Variants in SEMA3D observed in about 807,000 individuals in gnomAD.
SEMA3D encodes the protein semaphorin-3D.
A neutral mutation model predicts 100.1 loss-of-function variants in SEMA3D; 84 were observed. The observed-to-expected ratio is 0.84, with a 90% confidence interval of 0.70 to 1.01. SEMA3D has a LOEUF of 1.01. Ranked by LOEUF, SEMA3D falls within the 50% of genes least tolerant of loss-of-function variation. The pLI, the probability that SEMA3D is intolerant of heterozygous loss-of-function variation, is 0.00. For synonymous variants in SEMA3D, 312 were observed against 320.7 expected (o/e 0.97, Z 0.29); for missense variants, 875 against 934.1 (o/e 0.94, Z 0.82).
rs1789516326 is a variant in SEMA3D at position 84,996,895 on chromosome 7, T to C, written c.*2545A>G. 1 of 151,992 alleles carries C rather than the reference T, an allele frequency of 6.6e-6. No homozygotes were observed. The highest frequency in any genetic ancestry group is 6.6e-5 in the Admixed American group (1 of 15,260). The allele number at this position is 151,992 out of a possible 1,614,324, so 9.4% of individuals were successfully genotyped here. A position where few individuals can be genotyped will look rare whatever the true frequency, so the allele number is the denominator to read the frequency against. ...ATAGTGTGTTTGTGGATTTAATATATTCATACTCTTTCTCTAAATGTTCTA... is the reference window on the plus strand; with the variant it reads ...ATAGTGTGTTTGTGGATTTAATATACTCATACTCTTTCTCTAAATGTTCTA... On this transcript the variant is annotated 3_prime_UTR_variant, in exon 19 of 19. Coordinates refer to ENST00000284136, the MANE Select transcript of SEMA3D (RefSeq NM_001384900.1).
At chr7:85,124,427 T>C (rs937598882) in intron 2 of SEMA3D, among the ~76,000 whole-genome samples, 1 of 152,054 alleles carries the variant, frequency 6.6e-6, no homozygotes, top group African/African-American at 2.4e-5. Flanking sequence ...TATATTCTTA[T>C]CAGCCATTGG....
chr7:85,195,243 G>T, the SEMA3D span, among the ~76,000 whole-genome samples: 1 of 151,966 alleles, frequency 6.6e-6, no homozygotes, highest in African/African-American at 2.4e-5. Context: ...AGGTTCCTTT[G>T]GTTAAATGAT....
rs541565173 is a variant in SEMA3D at position 85,105,174 on chromosome 7, A to G, written c.152-7209T>C. Among the ~76,000 whole-genome samples the G allele has an allele frequency of 2.3e-3, 349 of 152,078 alleles. 1 individual carries two copies. Among genetic ancestry groups the G allele is most frequent in the Admixed American group, 5.9e-3 (90 of 15,256 alleles). On this transcript the variant is annotated intron_variant, in intron 3 of 18. Coordinates refer to ENST00000284136, the MANE Select transcript of SEMA3D (RefSeq NM_001384900.1). Reference sequence around the variant, plus strand: ...CTTTAAGCCTTTCAGCATCCTTTCTATTTCTGCCTTCCCCCTAAATTCAGC... The same window carrying G: ...CTTTAAGCCTTTCAGCATCCTTTCTGTTTCTGCCTTCCCCCTAAATTCAGC...
At chr7:85,131,585 C>T (rs764612609) in intron 2 of SEMA3D, among the ~76,000 whole-genome samples, 9 of 151,976 alleles carry the variant, frequency 5.9e-5, no homozygotes, top group Non-Finnish European at 1.2e-4. Flanking sequence ...AAGAAGTGTG[C>T]TTCCTTTAAT....
At chr7:85,040,069 C>A (rs1193961347) in intron 11 of SEMA3D, among the ~76,000 whole-genome samples, 1 of 149,704 alleles carries the variant, frequency 6.7e-6, no homozygotes, top group South Asian at 2.1e-4. Context: ...CTCTACCTTC[C>A]AGGCTTAAAC....
intron 4 of SEMA3D, among the ~76,000 whole-genome samples, chr7:85,089,180 T>A (rs1223746752): frequency 6.6e-6 from 1 of 152,114 alleles, no homozygotes; most frequent in South Asian, 2.1e-4. Context: ...AAGTTAATAC[T>A]CATTTGAAAG....
intron 8 of SEMA3D, among the ~76,000 whole-genome samples, chr7:85,064,735 G>A (rs936876764): frequency 1.3e-5 from 2 of 152,126 alleles, no homozygotes; most frequent in African/African-American, 4.8e-5. Context: ...TAAGGCGGTG[G>A]TGGGGAGTGG....
intron 2 of SEMA3D, among the ~76,000 whole-genome samples, chr7:85,148,997 CA>C (rs1387166763): frequency 6.6e-6 from 1 of 151,536 alleles, no homozygotes; most frequent in Non-Finnish European, 1.5e-5. Flanking sequence ...CTAACATTTA[CA>C]ATAAAATAAA....
chr7:85,145,145 A>G (rs927411125), intron 2 of SEMA3D, among the ~76,000 whole-genome samples: 1 of 152,182 alleles, frequency 6.6e-6, no homozygotes, highest in African/African-American at 2.4e-5. Flanking sequence ...CAAGTATGGG[A>G]ATCATGTTGA....
At chr7:85,025,348 A>G (rs1790363873) in intron 12 of SEMA3D, among the ~76,000 whole-genome samples, 1 of 151,976 alleles carries the variant, frequency 6.6e-6, no homozygotes, top group African/African-American at 2.4e-5. Context: ...ACACACCCTG[A>G]GATGAAAGTG....
At chr7:85,181,615 C>T (rs921671159) in intron 1 of SEMA3D, 3 of 160,692 alleles carry the variant, frequency 1.9e-5, no homozygotes, top group African/African-American at 7.2e-5. Context: ...ATTCTGCCCA[C>T]AAGGAAGAGA....
At chr7:85,144,709 T>C in intron 2 of SEMA3D, 1 of 984,024 alleles carries the variant, frequency 1.0e-6, no homozygotes, top group East Asian at 1.1e-4. Context: ...TTCTTATTTG[T>C]TCTCTTCCCC....
intron 5 of SEMA3D, among the ~76,000 whole-genome samples, chr7:85,081,163 T>C (rs1788047707): frequency 6.6e-6 from 1 of 152,190 alleles, no homozygotes; most frequent in Non-Finnish European, 1.5e-5. Flanking sequence ...TGTGTACACT[T>C]ACAAAAACAT....
chr7:85,225,379 T>A, the SEMA3D span, among the ~76,000 whole-genome samples: 2 of 151,028 alleles, frequency 1.3e-5, no homozygotes, highest in African/African-American at 2.4e-5. Context: ...TTAGGTGATA[T>A]GGGGCACAGT....
At chr7:85,017,965 T>A (rs1004004757) in intron 15 of SEMA3D, among the ~76,000 whole-genome samples, 4 of 151,766 alleles carry the variant, frequency 2.6e-5, no homozygotes. Flanking sequence ...TACATGAATG[T>A]CTAATGGGCT....
chr7:85,205,416 A>C, the SEMA3D span, among the ~76,000 whole-genome samples: 1 of 152,226 alleles, frequency 6.6e-6, no homozygotes, highest in Non-Finnish European at 1.5e-5. Flanking sequence ...TCATTCTACC[A>C]CATAACACTT....
chr7:85,147,667 A>G (rs1435824844), intron 2 of SEMA3D, among the ~76,000 whole-genome samples: 3 of 152,156 alleles, frequency 2.0e-5, no homozygotes, highest in Non-Finnish European at 4.4e-5. Flanking sequence ...AATTTTTTCA[A>G]GTACCTTATT....
chr7:85,181,719 A>G (rs544748450), intron 1 of SEMA3D: 337 of 907,080 alleles, frequency 3.7e-4, no homozygotes, highest in African/African-American at 1.9e-3. Flanking sequence ...AAAGAAGGTA[A>G]TCTTTGTAGC....
chr7:85,076,899 A>G (rs1448227815), intron 5 of SEMA3D, among the ~76,000 whole-genome samples: 1 of 152,044 alleles, frequency 6.6e-6, no homozygotes, highest in East Asian at 1.9e-4. Flanking sequence ...TTCAAGACCA[A>G]CCTGGCCAAG....
Sources: gnomAD v4.1 joint callset for allele counts (sites outside exome capture counted in the v4.1 genomes callset) on GRCh38, gnomAD v4.1.1 for gene constraint, MANE v1.5 for transcripts, NCBI Gene and HGNC (gene_info 2026-07-23, HGNC 2026-07-21) for gene names.